Variants in TENM3 observed in about 807,000 individuals in gnomAD.
TENM3 encodes the protein teneurin-3.
In TENM3, 63 loss-of-function variants were observed where a neutral mutation model predicts 255.1. The ratio of observed to expected loss-of-function variants is 0.25; its 90% CI spans 0.20 to 0.30. The LOEUF is 0.30. Ranked by LOEUF, TENM3 falls within the 10% of genes least tolerant of loss-of-function variation. The probability of loss-of-function intolerance (pLI) is 1.00; values close to 1 mark genes in which losing one functional copy is unlikely to be tolerated. For synonymous variants in TENM3, 1,306 were observed against 1,322.3 expected, an observed-to-expected ratio of 0.99 and a Z score of 0.27; for missense variants, 2,929 against 3,461.1, an observed-to-expected ratio of 0.85 and a Z score of 3.86.
upstream of TENM3, among the ~76,000 whole-genome samples, chr4:182,140,986 T>TCC (rs199951374): frequency 2.1e-3 from 238 of 115,528 alleles, 3 homozygotes; most frequent in South Asian, 3.2e-3. Context: ...GCCCATTATA[T>TCC]CCCTCCCCCC....
chr4:181,565,320 T>G, the TENM3 span, among the ~76,000 whole-genome samples: 8 of 152,184 alleles, frequency 5.3e-5, 1 homozygote, highest in African/African-American at 1.9e-4. Context: ...CCATTAATGA[T>G]CAAAGTTACA....
intron 6 of TENM3, among the ~76,000 whole-genome samples, chr4:182,658,454 G>C (rs1357192311): frequency 6.6e-6 from 1 of 152,162 alleles, no homozygotes; most frequent in African/African-American, 2.4e-5. Context: ...GTCCAGCCTA[G>C]ATGTCTCTCT....
Position 182,680,599 on chromosome 4 carries a change from T to C in TENM3, c.1696T>C (p.Cys566Arg), listed in dbSNP as rs1459098090. 1 of 1,613,822 alleles carries C rather than the reference T, an allele frequency of 6.2e-7. No homozygotes were observed. Among genetic ancestry groups the C allele is most frequent in the Non-Finnish European group, 8.5e-7 (1 of 1,179,850 alleles). Residue 566 changes from cysteine to arginine, a missense_variant, in exon 10 of 28, where the codon TGT becomes CGT. Cys to Arg is a radical substitution (Grantham distance 180, BLOSUM62 -3). Transcript: ENST00000511685. Reference sequence around the variant, plus strand: ...GCAGTACTCCAAGGGCCGCTGCCTGTGTTTCAGCGGCTGGAAGGGCACCGA... The same window carrying C: ...GCAGTACTCCAAGGGCCGCTGCCTGCGTTTCAGCGGCTGGAAGGGCACCGA... ...NGQYSKGRCL[C>R]FSGWKGTECD... is the part of the protein sequence containing the mutation.
At chr4:181,505,401 C>T in the TENM3 span, among the ~76,000 whole-genome samples, 1 of 152,196 alleles carries the variant, frequency 6.6e-6, no homozygotes, top group African/African-American at 2.4e-5. Flanking sequence ...CCAGTTCCTA[C>T]AAATGCACAA....
chr4:182,656,339 A>G (rs1441543403), intron 6 of TENM3, among the ~76,000 whole-genome samples: 2 of 152,150 alleles, frequency 1.3e-5, no homozygotes, highest in Non-Finnish European at 2.9e-5. Context: ...TTATTACTTG[A>G]ATCGCCCCCA....
the TENM3 span, among the ~76,000 whole-genome samples, chr4:181,624,139 G>A: frequency 6.6e-6 from 1 of 152,102 alleles, no homozygotes; most frequent in Non-Finnish European, 1.5e-5. Context: ...CCCACAAGAT[G>A]GGCGAGGTTG....
the TENM3 span, among the ~76,000 whole-genome samples, chr4:181,493,169 G>T: frequency 6.6e-6 from 1 of 151,878 alleles, no homozygotes; most frequent in Non-Finnish European, 1.5e-5. Context: ...TGTGGCTCAT[G>T]CCTTTAATCT....
intron 1 of TENM3, among the ~76,000 whole-genome samples, chr4:182,223,174 T>C (rs1755945771): frequency 1.3e-5 from 2 of 152,240 alleles, no homozygotes; most frequent in African/African-American, 2.4e-5. Context: ...CTTACTTTCC[T>C]TGTTTTGGTA....
chr4:181,489,917 G>GATTAAATAAAT, the TENM3 span, among the ~76,000 whole-genome samples: 1 of 152,024 alleles, frequency 6.6e-6, no homozygotes. Flanking sequence ...TTTTAGAATA[G>GATTAAATAAAT]GTTAAATAAA....
intron 3 of TENM3, among the ~76,000 whole-genome samples, chr4:182,585,166 C>T (rs1745890585): frequency 1.3e-5 from 2 of 152,146 alleles, no homozygotes; most frequent in Admixed American, 6.5e-5. Context: ...CTTTAATATA[C>T]ATTATCTCCT....
the TENM3 span, among the ~76,000 whole-genome samples, chr4:181,490,272 C>G: frequency 0.58 from 88,286 of 151,994 alleles, 25,867 homozygotes; most frequent in South Asian, 0.69. Context: ...TTTGCAGTTT[C>G]ATGAGGGAAT....
In TENM3 at chr4:182,161,802, T is replaced by C. The variant is rs868088922; in HGVS notation, c.-76+17048T>C. 8.3e-4 allele frequency among the ~76,000 whole-genome samples: 38 copies of C among 45,990 alleles called. 8 individuals carry two copies. Among genetic ancestry groups the C allele is most frequent in the East Asian group, 4.1e-3 (9 of 2,212 alleles). The allele number at this position is 45,990 out of a possible 152,430, so 30.2% of individuals were successfully genotyped here. On this transcript the variant is annotated intron_variant, in intron 1 of 2. Coordinates refer to the TENM3 transcript ENST00000512480. Reference sequence around the variant, plus strand: ...ATATACACAAATATATGTATATATATACACATATATATGTATATATATACA... The same window carrying C: ...ATATACACAAATATATGTATATATACACACATATATATGTATATATATACA...
At chr4:181,527,630 T>G in the TENM3 span, among the ~76,000 whole-genome samples, 115 of 151,800 alleles carry the variant, frequency 7.6e-4, no homozygotes, top group African/African-American at 2.1e-3. Context: ...GTTTTGTTTT[T>G]TTTTTTTTTT....
chr4:181,831,915 C>T, the TENM3 span, among the ~76,000 whole-genome samples: 1 of 151,392 alleles, frequency 6.6e-6, no homozygotes, highest in African/African-American at 2.4e-5. Context: ...TGTGTCAACC[C>T]TGCATGAAGC....
At chr4:182,553,832 T>G (rs1347619220) in intron 3 of TENM3, among the ~76,000 whole-genome samples, 2 of 152,174 alleles carry the variant, frequency 1.3e-5, no homozygotes, top group African/African-American at 2.4e-5. Context: ...TTTCAAAGCC[T>G]CTGATTTTTA....
At chr4:182,064,430 T>C in the TENM3 span, among the ~76,000 whole-genome samples, 1 of 151,806 alleles carries the variant, frequency 6.6e-6, no homozygotes, top group African/African-American at 2.4e-5. Context: ...TACAAAAAAT[T>C]AGCCGGGCGT....
chr4:182,209,072 A>G, intron 1 of TENM3, among the ~76,000 whole-genome samples: 1 of 149,096 alleles, frequency 6.7e-6, no homozygotes, highest in East Asian at 2.0e-4. Context: ...CGTTCAAGCC[A>G]TTCTCCTGCC....
the TENM3 span, among the ~76,000 whole-genome samples, chr4:181,652,353 C>T: frequency 6.6e-6 from 1 of 151,230 alleles, no homozygotes; most frequent in East Asian, 2.0e-4. Context: ...TGACTCCTTT[C>T]ATCTACAAAC....
At chr4:181,624,680 TCC>T in the TENM3 span, among the ~76,000 whole-genome samples, 1 of 152,370 alleles carries the variant, frequency 6.6e-6, no homozygotes, top group South Asian at 2.1e-4. Flanking sequence ...CTATGCTTTC[TCC>T]CTAGCCATCT....
Sources: gnomAD v4.1 joint callset for allele counts (sites outside exome capture counted in the v4.1 genomes callset) on GRCh38, gnomAD v4.1.1 for gene constraint, MANE v1.5 for transcripts, NCBI Gene and HGNC (gene_info 2026-07-23, HGNC 2026-07-21) for gene names.